The following ELOVL6 variants were observed in gnomAD, a reference collection of about 807,000 sequenced individuals.
ELOVL6 encodes the protein ELOVL fatty acid elongase 6.
In ELOVL6, 8 loss-of-function variants were observed where a neutral mutation model predicts 31.7. That is an observed-to-expected ratio of 0.25 (90% CI 0.15 to 0.45). The LOEUF (loss-of-function observed/expected upper bound fraction) is 0.45. Among genes scored for constraint, ELOVL6 ranks in the 20% least tolerant of loss-of-function variants. The pLI is 1.00. For missense variants in ELOVL6, 126 were observed against 326.4 expected (o/e 0.39, Z 4.73); for synonymous variants, 101 against 117.7 (o/e 0.86, Z 0.92).
In ELOVL6 at chr4:110,050,497, T is replaced by C. The variant is rs753516172; in HGVS notation, c.*841A>G. On this transcript the variant is annotated 3_prime_UTR_variant, in exon 4 of 4. Coordinates refer to ENST00000302274, the MANE Select transcript of ELOVL6 (RefSeq NM_024090.3). Reference sequence around the variant, plus strand: ...TTTTTCAATTCTGTATTTACTCTTCTGTTCAAAAGCCCGGGGCAACTGAAC... The same window carrying C: ...TTTTTCAATTCTGTATTTACTCTTCCGTTCAAAAGCCCGGGGCAACTGAAC... 1 of 152,254 alleles carries C rather than the reference T, an allele frequency of 6.6e-6. No individual in the cohort carries two copies. Among genetic ancestry groups the C allele is most frequent in the Admixed American group, 6.5e-5 (1 of 15,284 alleles). The allele number at this position is 152,254 out of a possible 1,614,324, so 9.4% of individuals were successfully genotyped here.
intron 2 of ELOVL6, among the ~76,000 whole-genome samples, chr4:110,066,728 C>G (rs1038552833): frequency 3.3e-5 from 5 of 151,424 alleles, no homozygotes; most frequent in Non-Finnish European, 7.4e-5. Context: ...AACTCTAAAC[C>G]CTTTCCACAC....
intron 1 of ELOVL6, among the ~76,000 whole-genome samples, chr4:110,180,406 G>T (rs909108654): frequency 6.6e-6 from 1 of 151,306 alleles, no homozygotes; most frequent in Non-Finnish European, 1.5e-5. Flanking sequence ...ATAGGAACAG[G>T]GTCTCATTTT....
chr4:110,083,027 T>C (rs1002259034), intron 2 of ELOVL6, among the ~76,000 whole-genome samples: 1 of 151,750 alleles, frequency 6.6e-6, no homozygotes, highest in Non-Finnish European at 1.5e-5. Context: ...GGTATCCTTT[T>C]AGGGAATTCT....
intron 1 of ELOVL6, among the ~76,000 whole-genome samples, chr4:110,183,407 G>A (rs533447158): frequency 1.3e-5 from 2 of 152,112 alleles, no homozygotes; most frequent in Admixed American, 6.5e-5. Flanking sequence ...ATTGACTGAC[G>A]TCTTATGTCT....
rs544234717 is a variant in ELOVL6 at position 110,090,600 on chromosome 4, C to CTTTTTTTTTTTTTTTTTTTT, written c.221+14877_221+14896dup. On this transcript the variant is annotated intron_variant, in intron 2 of 3. Transcript: ENST00000302274. ...GGAACTTACAGGAAAGTTTGACTTT[C>CTTTTTTTTTTTTTTTTTTTT]TTTTTTTTTTTTTTTTTTTTCATGA... Among the ~76,000 whole-genome samples, 7 of 103,714 alleles carry CTTTTTTTTTTTTTTTTTTTT rather than the reference C, an allele frequency of 6.7e-5. 2 individuals carry two copies. The highest frequency in any genetic ancestry group is 1.7e-4 in the African/African-American group (4 of 23,348). The allele number at this position is 103,714 out of a possible 152,430, so 68.0% of individuals were successfully genotyped here.
At chr4:110,079,002 C>T (rs1034800850) in intron 2 of ELOVL6, among the ~76,000 whole-genome samples, 2 of 152,172 alleles carry the variant, frequency 1.3e-5, no homozygotes, top group African/African-American at 4.8e-5. Flanking sequence ...AAGGCCATTA[C>T]ATAATGGTAA....
chr4:110,188,798 G>A (rs568282188), intron 1 of ELOVL6, among the ~76,000 whole-genome samples: 9 of 149,890 alleles, frequency 6.0e-5, no homozygotes, highest in Non-Finnish European at 1.0e-4. Flanking sequence ...AGGCTGAGGC[G>A]GAGAGTTGCT....
chr4:110,182,781 G>C (rs1578285749), intron 1 of ELOVL6, among the ~76,000 whole-genome samples: 1 of 152,132 alleles, frequency 6.6e-6, no homozygotes, highest in Non-Finnish European at 1.5e-5. Context: ...GGTGGCCCAT[G>C]CTTGTAATCC....
Position 110,143,508 on chromosome 4 carries a change from TTCTTA to T in ELOVL6, c.90-37885_90-37881del, listed in dbSNP as rs140644121. Among the ~76,000 whole-genome samples the T allele has an allele frequency of 6.0e-3, 907 of 152,288 alleles. 12 individuals carry two copies. The highest frequency in any genetic ancestry group is 0.02 in the African/African-American group (833 of 41,558). ...CTAAGAAATACATTTCTTATTATAT[TTCTTA>T]TCTTATATTTCTTAGGACAATGAGC... On this transcript the variant is annotated intron_variant, in intron 1 of 3. Coordinates refer to ENST00000302274, the MANE Select transcript of ELOVL6 (RefSeq NM_024090.3).
At position 110,046,511 on chromosome 4, in the gene ELOVL6, A is replaced by T. The variant is rs1043899822; in HGVS notation, c.*4827T>A. ...CACATCACTTCCTTTAAAAAGTGTC[A>T]ATCAGGAGGAAGGGAAGCCTGAGAA... On this transcript the variant is annotated 3_prime_UTR_variant, in exon 4 of 4. Coordinates refer to ENST00000302274, the MANE Select transcript of ELOVL6 (RefSeq NM_024090.3). The T allele has an allele frequency of 6.6e-6, 1 of 152,208 alleles. No homozygotes were observed. The highest frequency in any genetic ancestry group is 2.4e-5 in the African/African-American group (1 of 41,448). The allele number at this position is 152,208 out of a possible 1,614,324, so 9.4% of individuals were successfully genotyped here. A position where few individuals can be genotyped will look rare whatever the true frequency, so the allele number is the denominator to read the frequency against.
chr4:110,116,757 T>C lies in ELOVL6; in HGVS notation c.90-11129A>G, dbSNP rs187190329. On this transcript the variant is annotated intron_variant, in intron 1 of 3. Coordinates refer to ENST00000302274, the MANE Select transcript of ELOVL6 (RefSeq NM_024090.3). ...CCTGTTTGTGGCAATGCAGTTGTTT[T>C]ATCCTTCCTCTCTTTTTGGGCTTAT... Among the ~76,000 whole-genome samples the C allele has an allele frequency of 2.0e-3, 300 of 152,322 alleles. 1 individual carries two copies. Among genetic ancestry groups the C allele is most frequent in the Admixed American group, 5.9e-3 (91 of 15,300 alleles).
At chr4:110,155,359 G>T (rs1309159963) in intron 1 of ELOVL6, among the ~76,000 whole-genome samples, 1 of 151,610 alleles carries the variant, frequency 6.6e-6, no homozygotes, top group African/African-American at 2.4e-5. Context: ...AATACAGAAG[G>T]GATAGCCCTA....
intron 1 of ELOVL6, among the ~76,000 whole-genome samples, chr4:110,170,217 G>A (rs114753110): frequency 2.9e-3 from 446 of 152,266 alleles, no homozygotes; most frequent in African/African-American, 9.4e-3. Flanking sequence ...TTCTCTATAT[G>A]AAAATAAAGT....
chr4:110,147,574 C>T (rs1758154225), intron 1 of ELOVL6, among the ~76,000 whole-genome samples: 1 of 152,132 alleles, frequency 6.6e-6, no homozygotes, highest in Non-Finnish European at 1.5e-5. Context: ...ACTCAAACAA[C>T]TTAACCAAAA....
rs1001192137 is a variant in ELOVL6 at position 110,197,160 on chromosome 4, C to G, written c.89+1087G>C. 2.7e-4 allele frequency among the ~76,000 whole-genome samples: 41 copies of G among 152,194 alleles called. 1 individual carries two copies. Among genetic ancestry groups the G allele is most frequent in the East Asian group, 7.7e-4 (4 of 5,166 alleles). On this transcript the variant is annotated intron_variant, in intron 1 of 3. Transcript: ENST00000302274. ...TGCGGCCCGACCCTCCCCGGTCAAG[C>G]CATCCCCCGGGCTGCCGGCCCCTTG...
chr4:110,147,696 T>C (rs1444252340), intron 1 of ELOVL6, among the ~76,000 whole-genome samples: 1 of 150,308 alleles, frequency 6.7e-6, no homozygotes, highest in Non-Finnish European at 1.5e-5. Flanking sequence ...GAGGCTGAGG[T>C]ACGAGGATCA....
intron 1 of ELOVL6, among the ~76,000 whole-genome samples, chr4:110,159,520 TCTC>T (rs1343078876): frequency 6.6e-6 from 1 of 151,374 alleles, no homozygotes; most frequent in African/African-American, 2.4e-5. Context: ...AAAAGCCAAG[TCTC>T]CTTCTCTTTC....
At chr4:110,166,069 G>A (rs1400664955) in intron 1 of ELOVL6, among the ~76,000 whole-genome samples, 1 of 152,138 alleles carries the variant, frequency 6.6e-6, no homozygotes, top group Non-Finnish European at 1.5e-5. Flanking sequence ...GCTCAGAGCT[G>A]ATCTGGAGGA....
intron 1 of ELOVL6, among the ~76,000 whole-genome samples, chr4:110,130,428 C>T (rs34949240): frequency 0.18 from 27,391 of 151,966 alleles, 2,960 homozygotes; most frequent in South Asian, 0.3. Flanking sequence ...CATAAGACAG[C>T]GGGGAAACAA....
Sources: gnomAD v4.1 joint callset for allele counts (sites outside exome capture counted in the v4.1 genomes callset) on GRCh38, gnomAD v4.1.1 for gene constraint, MANE v1.5 for transcripts, NCBI Gene and HGNC (gene_info 2026-07-23, HGNC 2026-07-21) for gene names.